The following TBC1D31 variants were observed in gnomAD, a reference collection of about 807,000 sequenced individuals.
TBC1D31 encodes the protein TBC1 domain family member 31.
TBC1D31 carries 99 observed loss-of-function variants against 132.9 expected under a neutral mutation model. The observed-to-expected ratio is 0.74, with a 90% CI of 0.63 to 0.88. The LOEUF is 0.88. Ranked by LOEUF, TBC1D31 falls within the 40% of genes least tolerant of loss-of-function variation. The pLI, the probability that TBC1D31 is intolerant of heterozygous loss-of-function variation, is 0.00. For missense variants in TBC1D31, 1,134 were observed against 1,256.6 expected (o/e 0.90, Z 1.48); for synonymous variants, 385 against 419.4 (o/e 0.92, Z 1.00).
At chr8:123,144,915 CTAT>C in intron 20 of TBC1D31, 60 bp downstream of exon 20, 1 of 1,401,834 alleles carries the variant, frequency 7.1e-7, no homozygotes, top group Non-Finnish European at 9.7e-7. Context: ...TTAGTAGGGT[CTAT>C]TATTATGATT....
intron 10 of TBC1D31, among the ~76,000 whole-genome samples, chr8:123,116,943 G>C (rs1401599019): frequency 6.6e-6 from 1 of 152,166 alleles, no homozygotes; most frequent in Non-Finnish European, 1.5e-5. Flanking sequence ...TAGAGATATA[G>C]AAAATCACTA....
chr8:123,164,526 A>T, the TBC1D31 span, among the ~76,000 whole-genome samples: 2 of 152,200 alleles, frequency 1.3e-5, no homozygotes, highest in Non-Finnish European at 2.9e-5. Context: ...GTTCGAGATC[A>T]GCCTGGCCAA....
rs773099623 is a variant in TBC1D31 at position 123,142,350 on chromosome 8, A to T, written c.2729A>T (p.Asp910Val). Residue 910 changes from aspartate to valine, a missense_variant, in exon 19 of 22, where the codon GAT (aspartate) becomes GTT (valine). Asp to Val is a radical substitution (Grantham distance 152). Transcript: ENST00000287380. Reference protein sequence around the residue: ...IQSLHKQKCDDLQRNKCYQEV... With the variant: ...IQSLHKQKCDVLQRNKCYQEV... ...TCTTTACATAAACAAAAATGTGATG[A>T]TCTACAACGAAACAAATGTTACCAG... 3.4e-5 allele frequency: 54 copies of T among 1,611,402 alleles called. No homozygotes were observed. Among genetic ancestry groups the T allele is most frequent in the Non-Finnish European group, 4.4e-5 (52 of 1,179,104 alleles).
the TBC1D31 span, among the ~76,000 whole-genome samples, chr8:123,159,881 T>TA: frequency 2.3e-4 from 35 of 152,078 alleles, no homozygotes; most frequent in African/African-American, 7.0e-4. Context: ...AGACTCTTTT[T>TA]AAAAAAAATA....
chr8:123,091,081 T>C (rs1421493980), intron 4 of TBC1D31, among the ~76,000 whole-genome samples: 1 of 152,198 alleles, frequency 6.6e-6, no homozygotes, highest in Non-Finnish European at 1.5e-5. Context: ...GCTCCGTCCT[T>C]GAACCTAACC....
At chr8:123,077,441 G>A (rs1453054702) in intron 2 of TBC1D31, among the ~76,000 whole-genome samples, 184 bp downstream of exon 2, 2 of 151,720 alleles carry the variant, frequency 1.3e-5, no homozygotes, top group African/African-American at 2.4e-5. Context: ...TGATAACATG[G>A]TTCACATTTT....
At chr8:123,143,831 A>C (rs1211069971) in intron 19 of TBC1D31, among the ~76,000 whole-genome samples, 1 of 152,190 alleles carries the variant, frequency 6.6e-6, no homozygotes, top group Non-Finnish European at 1.5e-5. Flanking sequence ...CTAGGGCTAT[A>C]CTGTGTGAAA....
At chr8:123,139,635 G>A (rs1378775852) in intron 17 of TBC1D31, among the ~76,000 whole-genome samples, 1 of 152,162 alleles carries the variant, frequency 6.6e-6, no homozygotes, top group East Asian at 1.9e-4. Flanking sequence ...TTGACCAGAA[G>A]TGTGAGATCT....
At position 123,077,152 on chromosome 8, in the gene TBC1D31, C is replaced by T. The variant is rs754979468; in HGVS notation, c.119C>T (p.Pro40Leu). 1.2e-6 allele frequency: 2 copies of T among 1,612,278 alleles called. No homozygotes were observed. Among genetic ancestry groups the T allele is most frequent in the Non-Finnish European group, 8.5e-7 (1 of 1,179,356 alleles). The change falls in exon 2 of 22, where the codon CCA (proline) becomes CTA (leucine). Residue 40 changes from proline to leucine, a missense_variant. Pro to Leu is a moderately conservative substitution (Grantham distance 98). Coordinates refer to ENST00000287380, the MANE Select transcript of TBC1D31 (RefSeq NM_145647.4). ...NIIHNTSDYH[P>L]KVLRFLNVAF... ...ATTCACAACACTTCCGATTACCATC[C>T]AAAAGTTTTGCGATTTTTGAATGTG...
intron 20 of TBC1D31, among the ~76,000 whole-genome samples, chr8:123,147,197 G>A (rs1364962133): frequency 6.6e-6 from 1 of 150,760 alleles, no homozygotes; most frequent in Non-Finnish European, 1.5e-5. Context: ...TTTTTGAGAC[G>A]GAGTCTCGCT....
At chr8:123,074,831 G>C (rs758260205) in intron 1 of TBC1D31, 1 of 152,208 alleles carries the variant, frequency 6.6e-6, no homozygotes, top group Non-Finnish European at 1.5e-5. Flanking sequence ...TCAGTGGGGA[G>C]AATCAGATTT....
At chr8:123,075,092 A>G (rs1377547520) in intron 1 of TBC1D31, 1 of 152,228 alleles carries the variant, frequency 6.6e-6, no homozygotes, top group Admixed American at 6.5e-5. Context: ...CATATTTTGA[A>G]CAATGATTGT....
intron 7 of TBC1D31, chr8:123,103,387 T>G (rs976463546): frequency 1.3e-5 from 2 of 152,114 alleles, no homozygotes; most frequent in African/African-American, 4.8e-5. Context: ...GTTTTCAGCC[T>G]GCTGAATAGT....
chr8:123,080,453 C>T (rs907740260), intron 2 of TBC1D31, among the ~76,000 whole-genome samples: 1 of 151,364 alleles, frequency 6.6e-6, no homozygotes, highest in African/African-American at 2.4e-5. Flanking sequence ...GGAAGAGGGA[C>T]CCCTTTGTAA....
At chr8:123,082,489 G>A (rs1270179031) in intron 2 of TBC1D31, 1 of 484,902 alleles carries the variant, frequency 2.1e-6, no homozygotes, top group Non-Finnish European at 3.6e-6. Flanking sequence ...ACCTGATTGT[G>A]ATTCTGCTGT....
Position 123,134,117 on chromosome 8 carries a change from T to C in TBC1D31, c.2410T>C (p.Tyr804His), listed in dbSNP as rs760490867. 1.2e-6 allele frequency: 2 copies of C among 1,612,978 alleles called. No individual in the cohort carries two copies. The highest frequency in any genetic ancestry group is 2.2e-5 in the South Asian group (2 of 91,024). ...RLDDEIGRKV[Y>H]MRDREIAATA... ...ACAGTTTGTTGTTTGGCCATAGGTA[T>C]ATATGAGAGATCGAGAAATTGCTGC... is the stretch of plus-strand genomic sequence containing the variant. The change falls in exon 17 of 22, where the codon TAT (tyrosine) becomes CAT (histidine). Residue 804 changes from tyrosine (Y) to histidine (H), a missense_variant. Transcript: ENST00000287380.
the TBC1D31 span, among the ~76,000 whole-genome samples, chr8:123,158,096 G>A: frequency 1.3e-5 from 2 of 148,494 alleles, no homozygotes; most frequent in African/African-American, 5.0e-5. Context: ...TGTGTTAACT[G>A]GGAAGCCCGC....
chr8:123,134,075 A>T (rs748866268), intron 16 of TBC1D31, 39 bp from the exon 17 acceptor site: 3 of 1,465,852 alleles, frequency 2.0e-6, no homozygotes, highest in South Asian at 1.2e-5. Context: ...TTATTTTGTA[A>T]ATTCTTTTTG....
Position 123,118,727 on chromosome 8 carries a change from T to C in TBC1D31, c.1437-1328T>C, listed in dbSNP as rs373222775. 1.2e-4 allele frequency among the ~76,000 whole-genome samples: 19 copies of C among 152,242 alleles called. No individual in the cohort carries two copies. The East Asian group carries it at 2.3e-3, about 19-fold the overall frequency. On this transcript the variant is annotated intron_variant, in intron 10 of 21. Coordinates refer to ENST00000287380, the MANE Select transcript of TBC1D31 (RefSeq NM_145647.4). ...TTTACAGTGGTAAAATGGTTCTTTC[T>C]ATTTATTTTAGTTTTTTGTTTTAGA...
Sources: allele counts gnomAD v4.1 joint callset (sites outside exome capture counted in the v4.1 genomes callset), GRCh38; gene constraint gnomAD v4.1.1; transcripts MANE v1.5; gene names NCBI Gene and HGNC (gene_info 2026-07-23, HGNC 2026-07-21).